The following GLS variants were observed in gnomAD, a reference collection of about 807,000 sequenced individuals.
GLS encodes the protein glutaminase.
GLS carries 36 observed loss-of-function variants against 86.7 expected under a neutral mutation model. The observed-to-expected ratio is 0.42, with a 90% CI of 0.32 to 0.55. The LOEUF is 0.55. Ranked by LOEUF, GLS falls within the 20% of genes least tolerant of loss-of-function variation. GLS has a pLI of 0.17. For missense variants in GLS, 528 were observed against 833.4 expected (o/e 0.63, Z 4.51); for synonymous variants, 317 against 305.9 (o/e 1.04, Z -0.38).
At position 190,949,248 on chromosome 2, in the gene GLS, C is replaced by T. The variant is rs997122852; in HGVS notation, c.1651-4317C>T. Among the ~76,000 whole-genome samples the T allele has an allele frequency of 7.9e-5, 12 of 152,062 alleles. No homozygotes were observed. Among genetic ancestry groups the T allele is most frequent in the African/African-American group, 1.4e-4 (6 of 41,390 alleles). On this transcript the variant is annotated intron_variant, in intron 14 of 17. Coordinates refer to ENST00000320717, the MANE Select transcript of GLS (RefSeq NM_014905.5). This position sits in a 1 kb window ranked among gnomAD's most constrained non-coding sequence, Gnocchi z 4.0. ...AATGATTTTGGGTTTCTTGATACTCCGCTGCTTAGAAACCTGTAGTGATTA... is the reference window on the plus strand; with the variant it reads ...AATGATTTTGGGTTTCTTGATACTCTGCTGCTTAGAAACCTGTAGTGATTA...
chr2:190,913,642 CGTA>C lies in GLS; in HGVS notation c.1038+3324_1038+3326del. 1.0e-6 allele frequency: 1 copy of C among 976,016 alleles called. No homozygotes were observed. The highest frequency in any genetic ancestry group is 4.7e-5 in the South Asian group (1 of 21,058). The allele number at this position is 976,016 out of a possible 1,614,324, so 60.5% of individuals were successfully genotyped here. A position where few individuals can be genotyped will look rare whatever the true frequency, so the allele number is the denominator to read the frequency against. On this transcript the variant is annotated intron_variant, in intron 7 of 17. Transcript: ENST00000320717. This position sits in a 1 kb window ranked among gnomAD's most constrained non-coding sequence, Gnocchi z 6.1. The stretch of plus-strand genomic sequence containing the variant: ...TTTCTTTTCACTGGTAAAAATTTCA[CGTA>C]GTTTTAGTTTAAAAGTTAAGATCTG...
chr2:190,933,356 A>T (rs1174509082), intron 14 of GLS: 1 of 881,590 alleles, frequency 1.1e-6, no homozygotes, highest in Non-Finnish European at 1.4e-6. Context: ...AAATTATTTT[A>T]TTTAAAATAG....
rs1035944161 is a variant in GLS at position 190,938,574 on chromosome 2, C to G, written c.1650+6937C>G. On this transcript the variant is annotated intron_variant, in intron 14 of 17. Coordinates refer to ENST00000320717, the MANE Select transcript of GLS (RefSeq NM_014905.5). This position sits in a 1 kb window ranked among gnomAD's most constrained non-coding sequence, Gnocchi z 4.1. The stretch of plus-strand genomic sequence containing the variant: ...ATGTTACCTGGTACAGACTCCCACC[C>G]CACTCAGCCCCCTTTTCCAGGTTTC... 6.6e-6 allele frequency among the ~76,000 whole-genome samples: 1 copy of G among 151,598 alleles called. No individual in the cohort carries two copies. Among genetic ancestry groups the G allele is most frequent in the African/African-American group, 2.4e-5 (1 of 41,406 alleles).
chr2:190,944,196 A>AT (rs5837212), intron 14 of GLS, among the ~76,000 whole-genome samples: 71,136 of 147,198 alleles, frequency 0.48, 20,381 homozygotes, highest in Non-Finnish European at 0.65. Flanking sequence ...AATGGCCTGG[A>AT]TTTTTTTTTT....
At chr2:190,907,584 A>G (rs568833449) in intron 6 of GLS, among the ~76,000 whole-genome samples, 3 of 152,348 alleles carry the variant, frequency 2.0e-5, no homozygotes, top group African/African-American at 7.2e-5. Flanking sequence ...TGTTTGCAAC[A>G]TAGAAAGTTT....
Position 190,959,292 on chromosome 2 carries a change from C to T in GLS, c.1854-3538C>T, listed in dbSNP as rs1331690362. On this transcript the variant is annotated intron_variant, in intron 17 of 17. Transcript: ENST00000320717. ...TTTGCTTGGTAAATATTCCCCTATC[C>T]TTTTATTTTGAGCCTATGTGTGTCT... Among the ~76,000 whole-genome samples, 5 of 150,426 alleles carry T rather than the reference C, an allele frequency of 3.3e-5. No homozygotes were observed. In the East Asian group the frequency reaches 9.7e-4, roughly 29 times the overall value.
intron 1 of GLS, among the ~76,000 whole-genome samples, chr2:190,885,378 T>A (rs909491164): frequency 6.6e-6 from 1 of 152,072 alleles, no homozygotes; most frequent in Non-Finnish European, 1.5e-5. Flanking sequence ...TTAGTAGAGA[T>A]GGGGTTTCAC....
intron 3 of GLS, among the ~76,000 whole-genome samples, chr2:190,896,981 A>G (rs538949991): frequency 6.6e-6 from 1 of 152,224 alleles, no homozygotes; most frequent in East Asian, 1.9e-4. Context: ...AGATCTGTTG[A>G]TAATCAGTAG....
rs1415751161 is a variant in GLS at position 190,929,046 on chromosome 2, C to T, written c.1426-1391C>T. The stretch of plus-strand genomic sequence containing the variant: ...TGTCGCCCAGGCTGGAGTGCAGTGG[C>T]GTGATCTCGGCTCACTGCAACCTCC... On this transcript the variant is annotated intron_variant, in intron 12 of 17. Coordinates refer to ENST00000320717, the MANE Select transcript of GLS (RefSeq NM_014905.5). Among the ~76,000 whole-genome samples, 16 of 150,448 alleles carry T rather than the reference C, an allele frequency of 1.1e-4. No homozygotes were observed. In the East Asian group the frequency reaches 2.0e-3, roughly 19 times the overall value.
chr2:190,948,673 A>G (rs1407317283), intron 14 of GLS, among the ~76,000 whole-genome samples: 1 of 152,162 alleles, frequency 6.6e-6, no homozygotes, highest in East Asian at 1.9e-4. Context: ...GATTTTTCTT[A>G]GTGGTGGGGG....
At chr2:190,922,947 A>T (rs1689792278) in intron 9 of GLS, among the ~76,000 whole-genome samples, 1 of 152,094 alleles carries the variant, frequency 6.6e-6, no homozygotes, top group African/African-American at 2.4e-5. Flanking sequence ...AGTTAATATT[A>T]TTATCCTCTC....
rs1309305659 is a variant in GLS at position 190,920,633 on chromosome 2, T to C, written c.1039-391T>C. On this transcript the variant is annotated intron_variant, in intron 7 of 17. Coordinates refer to ENST00000320717, the MANE Select transcript of GLS (RefSeq NM_014905.5). This position sits in a 1 kb window ranked among gnomAD's most constrained non-coding sequence, Gnocchi z 4.2. The stretch of plus-strand genomic sequence containing the variant: ...GTTCTTAATTGAAATATTTTATATA[T>C]ACTTAATTCTTTTCGAAGGGTGAAA... Among the ~76,000 whole-genome samples, 1 of 151,752 alleles carries C rather than the reference T, an allele frequency of 6.6e-6. No homozygotes were observed. Among genetic ancestry groups the C allele is most frequent in the Non-Finnish European group, 1.5e-5 (1 of 67,752 alleles).
chr2:190,930,674 C>A lies in GLS; in HGVS notation c.1557+106C>A. ...AGTTCATTAACTCTTGGCCCTCCGC[C>A]TATAGTGTGCCAGTTACTAGGGAGC... On this transcript the variant is annotated intron_variant, in intron 13 of 17. Coordinates refer to ENST00000320717, the MANE Select transcript of GLS (RefSeq NM_014905.5). This position sits in a 1 kb window ranked among gnomAD's most constrained non-coding sequence, Gnocchi z 5.0. 1 of 1,001,936 alleles carries A rather than the reference C, an allele frequency of 1.0e-6. No homozygotes were observed. Among genetic ancestry groups the A allele is most frequent in the African/African-American group, 1.6e-5 (1 of 61,002 alleles). The allele number at this position is 1,001,936 out of a possible 1,614,324, so 62.1% of individuals were successfully genotyped here.
intron 1 of GLS, among the ~76,000 whole-genome samples, chr2:190,888,677 G>A (rs950958398): frequency 6.6e-6 from 1 of 152,172 alleles, no homozygotes; most frequent in African/African-American, 2.4e-5. Flanking sequence ...CCCTGCTGTA[G>A]TTTGCGTAGC....
rs1331646815 is a variant in GLS, at chr2:190,901,952, A to T, written c.741A>T (p.Ala247=). 6 of 1,593,580 alleles carry T rather than the reference A, an allele frequency of 3.8e-6. No homozygotes were observed. In the African/African-American group the frequency reaches 8.1e-5, roughly 21 times the overall value. ...SAKKQSGGKV[A]DYIPQLAKFS... The stretch of plus-strand genomic sequence containing the variant: ...CTTTCCAATCTTTTGGATAGGTTGC[A>T]GATTATATTCCTCAACTGGCCAAAT... Residue 247 remains alanine (A), a synonymous_variant, in exon 5 of 18, where the codon GCA becomes GCT. Transcript: ENST00000320717.
At chr2:190,918,450 G>A (rs143330365) in intron 7 of GLS, among the ~76,000 whole-genome samples, 373 of 152,224 alleles carry the variant, frequency 2.5e-3, no homozygotes, top group African/African-American at 8.3e-3. Flanking sequence ...ATTGAAGAGA[G>A]TTAGGGCCTT....
chr2:190,902,993 A>G (rs1432641149), intron 5 of GLS, among the ~76,000 whole-genome samples: 1 of 152,188 alleles, frequency 6.6e-6, no homozygotes, highest in African/African-American at 2.4e-5. Context: ...TTAACCTAGT[A>G]ATTTTAGATT....
At chr2:190,890,884 G>GA (rs966042305) in intron 1 of GLS, among the ~76,000 whole-genome samples, 2 of 151,460 alleles carry the variant, frequency 1.3e-5, no homozygotes, top group Admixed American at 6.6e-5. Context: ...AGAGTTATGC[G>GA]AAAAAAAAAA....
rs1689463070 is a variant in GLS at position 190,914,588 on chromosome 2, TTAAACCA to T, written c.1038+4269_1038+4275del. 6.6e-6 allele frequency among the ~76,000 whole-genome samples: 1 copy of T among 152,132 alleles called. No homozygotes were observed. The highest frequency in any genetic ancestry group is 2.4e-5 in the African/African-American group (1 of 41,442). ...TTTATTTTCCTAATACTCTTTAGCTTTAAACCATTTTCTATCATAAGACTAAATTAAG... is the reference window on the plus strand; with the variant it reads ...TTTATTTTCCTAATACTCTTTAGCTTTTTTCTATCATAAGACTAAATTAAG... On this transcript the variant is annotated intron_variant, in intron 7 of 17. Transcript: ENST00000320717. The surrounding 1 kb of genome is among the most constrained non-coding windows in gnomAD (Gnocchi z 4.4).
Sources: gnomAD v4.1 joint callset for allele counts (sites outside exome capture counted in the v4.1 genomes callset) on GRCh38, gnomAD v4.1.1 for gene constraint, Gnocchi (gnomAD v3.1) non-coding constraint, MANE v1.5 for transcripts, NCBI Gene and HGNC (gene_info 2026-07-23, HGNC 2026-07-21) for gene names.